The following BAIAP2 variants were observed in gnomAD, a reference collection of about 807,000 sequenced individuals.
BAIAP2 encodes BAR/IMD domain containing adaptor protein 2.
In BAIAP2, 18 loss-of-function variants were observed where a neutral mutation model predicts 63.0. The ratio of observed to expected loss-of-function variants is 0.29; its 90% CI spans 0.20 to 0.42. The LOEUF (loss-of-function observed/expected upper bound fraction) is 0.42. Among genes scored for constraint, BAIAP2 ranks in the 10% least tolerant of loss-of-function variants. The pLI, the probability that BAIAP2 is intolerant of heterozygous loss-of-function variation, is 1.00. For synonymous variants in BAIAP2, 386 were observed against 307.6 expected, an observed-to-expected ratio of 1.25 and a Z score of -2.67; for missense variants, 610 against 734.3, an observed-to-expected ratio of 0.83 and a Z score of 1.96.
chr17:81,107,136 G>T, intron 12 of BAIAP2: 1 of 552,330 alleles, frequency 1.8e-6, no homozygotes, highest in Non-Finnish European at 3.1e-6. Flanking sequence ...GCTGGGGCTG[G>T]GGTCAGCCTG....
intron 3 of BAIAP2, among the ~76,000 whole-genome samples, chr17:81,074,375 C>T (rs543411255): frequency 2.6e-5 from 4 of 151,138 alleles, no homozygotes; most frequent in East Asian, 2.0e-4. Flanking sequence ...ACTGTGTGTG[C>T]GTGCACGGAT....
chr17:81,060,403 G>A (rs1048159051), intron 3 of BAIAP2, among the ~76,000 whole-genome samples: 6 of 152,112 alleles, frequency 3.9e-5, no homozygotes, highest in African/African-American at 9.7e-5. Flanking sequence ...CTGTCTCTCC[G>A]GACTGGCCCA....
intron 2 of BAIAP2, chr17:81,056,532 T>C (rs34206539): frequency 0.41 from 62,361 of 152,220 alleles, 13,245 homozygotes; most frequent in East Asian, 0.67. Flanking sequence ...GATGCCGCTT[T>C]CAGTGGGTTG....
intron 3 of BAIAP2, among the ~76,000 whole-genome samples, chr17:81,058,971 C>T (rs907038390): frequency 2.0e-5 from 3 of 152,186 alleles, no homozygotes; most frequent in South Asian, 2.1e-4. Context: ...GAAGAGGCTC[C>T]GTCTCCCTAA....
chr17:81,093,793 G>A (rs2057196891), intron 6 of BAIAP2, among the ~76,000 whole-genome samples: 1 of 152,160 alleles, frequency 6.6e-6, no homozygotes, highest in African/African-American at 2.4e-5. Context: ...CAGAGACAAA[G>A]CACCCTCGTT....
intron 3 of BAIAP2, among the ~76,000 whole-genome samples, chr17:81,080,613 T>C (rs2054448850): frequency 6.6e-6 from 1 of 152,264 alleles, no homozygotes. Context: ...AAGGATTTGT[T>C]GTTGGCTGTT....
Position 81,102,465 on chromosome 17 carries a change from G to A in BAIAP2, c.643-1037G>A, listed in dbSNP as rs375335328. The stretch of plus-strand genomic sequence containing the variant: ...GTTTGTGCTTTTGGCTCTGTGGGCC[G>A]TGCCGTCTCCAGCTCTGTTACTGCA... On this transcript the variant is annotated intron_variant, in intron 7 of 13. Coordinates refer to ENST00000428708, the MANE Select transcript of BAIAP2 (RefSeq NM_001144888.2). Among the ~76,000 whole-genome samples the A allele has an allele frequency of 3.9e-5, 6 of 152,354 alleles. No individual in the cohort carries two copies. In the East Asian group the frequency reaches 7.7e-4, roughly 20 times the overall value.
At position 81,035,157 on chromosome 17, in the gene BAIAP2, C is replaced by A; in HGVS notation, c.-98C>A. The A allele has an allele frequency of 4.1e-6, 4 of 985,174 alleles. No individual in the cohort carries two copies. The Admixed American group carries it at 9.4e-5, about 23-fold the overall frequency. 61.0% of individuals were successfully genotyped at this position (985,174 alleles called of 1,614,324 possible). A position where few individuals can be genotyped will look rare whatever the true frequency, so the allele number is the denominator to read the frequency against. On this transcript the variant is annotated 5_prime_UTR_variant, in exon 1 of 14. Transcript: ENST00000428708. Reference sequence around the variant, plus strand: ...CCGCCGGACGCCGGGCTCTGTGGTTCGGGTCCGCTTTCGTCTCCGTCCTGC... The same window carrying A: ...CCGCCGGACGCCGGGCTCTGTGGTTAGGGTCCGCTTTCGTCTCCGTCCTGC...
At chr17:81,071,045 G>A (rs2052540185) in intron 3 of BAIAP2, among the ~76,000 whole-genome samples, 1 of 152,064 alleles carries the variant, frequency 6.6e-6, no homozygotes, top group South Asian at 2.1e-4. Context: ...TTTCAGAACT[G>A]TGTGTGGGGA....
intron 1 of BAIAP2, among the ~76,000 whole-genome samples, chr17:81,043,664 T>G (rs2047394808): frequency 6.6e-6 from 1 of 152,202 alleles, no homozygotes; most frequent in Non-Finnish European, 1.5e-5. Context: ...GCGCTGGACA[T>G]TCTCTGTGCT....
At chr17:81,076,743 G>T (rs2053726239) in intron 3 of BAIAP2, among the ~76,000 whole-genome samples, 1 of 152,148 alleles carries the variant, frequency 6.6e-6, no homozygotes, top group South Asian at 2.1e-4. Context: ...AGCACTTTGG[G>T]AGTCCACTTG....
intron 13 of BAIAP2, chr17:81,109,367 A>G: frequency 9.9e-7 from 1 of 1,007,836 alleles, no homozygotes; most frequent in Non-Finnish European, 1.2e-6. Flanking sequence ...GAAAAAGAAA[A>G]ATCTTAAAAA....
chr17:81,069,111 G>A (rs1247045616), intron 3 of BAIAP2, among the ~76,000 whole-genome samples: 2 of 152,204 alleles, frequency 1.3e-5, no homozygotes, highest in Non-Finnish European at 1.5e-5. Context: ...TTGTTTAAAC[G>A]TCTGAAGGGC....
At chr17:81,097,870 C>T (rs1568163944) in intron 6 of BAIAP2, among the ~76,000 whole-genome samples, 1 of 152,212 alleles carries the variant, frequency 6.6e-6, no homozygotes, top group Non-Finnish European at 1.5e-5. Flanking sequence ...TTGCCCTCAC[C>T]AGCCACCCAC....
chr17:81,062,417 T>C (rs1439751242), intron 3 of BAIAP2, among the ~76,000 whole-genome samples: 1 of 152,170 alleles, frequency 6.6e-6, no homozygotes, highest in African/African-American at 2.4e-5. Context: ...GAGTTAATAA[T>C]GGTCTCGCGT....
intron 1 of BAIAP2, among the ~76,000 whole-genome samples, chr17:81,049,228 G>C (rs2048297118): frequency 6.6e-6 from 1 of 152,170 alleles, no homozygotes; most frequent in Non-Finnish European, 1.5e-5. Flanking sequence ...GTCCTGGCAG[G>C]GGGGCATGGG....
intron 1 of BAIAP2, among the ~76,000 whole-genome samples, chr17:81,037,679 C>T (rs185674082): frequency 6.6e-6 from 1 of 152,342 alleles, no homozygotes; most frequent in Admixed American, 6.5e-5. Flanking sequence ...CCTGGGTTGG[C>T]GGCTTGCAGA....
chr17:81,082,443 C>T (rs1172895868), intron 3 of BAIAP2, among the ~76,000 whole-genome samples: 7 of 152,184 alleles, frequency 4.6e-5, no homozygotes. Context: ...GTGTGCCAGG[C>T]AGCCCTTCCG....
At chr17:81,040,293 C>T (rs1360681301) in intron 1 of BAIAP2, among the ~76,000 whole-genome samples, 1 of 152,242 alleles carries the variant, frequency 6.6e-6, no homozygotes, top group East Asian at 1.9e-4. Flanking sequence ...AAGCTCTGCA[C>T]TTGGGCGGCC....
Sources: gnomAD v4.1 joint callset for allele counts (sites outside exome capture counted in the v4.1 genomes callset) on GRCh38, gnomAD v4.1.1 for gene constraint, MANE v1.5 for transcripts, NCBI Gene and HGNC (gene_info 2026-07-23, HGNC 2026-07-21) for gene names.